The following PIK3C2G variants were observed in gnomAD, a reference collection of about 807,000 sequenced individuals.
PIK3C2G encodes phosphatidylinositol 3-kinase C2 domain-containing subunit gamma.
In PIK3C2G, 168 loss-of-function variants were observed where a neutral mutation model predicts 181.1. The observed-to-expected ratio is 0.93, with a 90% CI of 0.82 to 1.05. The LOEUF (loss-of-function observed/expected upper bound fraction) is 1.05. PIK3C2G is among the 50% of genes least tolerant of loss of function. PIK3C2G has a pLI of 0.00. For synonymous variants in PIK3C2G, 573 were observed against 592.2 expected, an observed-to-expected ratio of 0.97 and a Z score of 0.47; for missense variants, 1,869 against 1,732.8, an observed-to-expected ratio of 1.08 and a Z score of -1.40.
chr12:18,365,894 A>C (rs963565229), intron 12 of PIK3C2G, among the ~76,000 whole-genome samples: 1 of 152,112 alleles, frequency 6.6e-6, no homozygotes, highest in Non-Finnish European at 1.5e-5. Context: ...TTCAGATCAA[A>C]ATCCTTAGCC....
chr12:18,704,025 G>T, the PIK3C2G span, among the ~76,000 whole-genome samples: 1 of 152,184 alleles, frequency 6.6e-6, no homozygotes, highest in Non-Finnish European at 1.5e-5. Context: ...TTGGGATAGG[G>T]AGAAAGGCCC....
chr12:18,503,180 G>C (rs1048033633), intron 22 of PIK3C2G, 101 bp from the exon 23 acceptor site: 3 of 748,720 alleles, frequency 4.0e-6, no homozygotes. Context: ...AAAGGAAAGG[G>C]GTAATCCAGT....
intron 25 of PIK3C2G, among the ~76,000 whole-genome samples, chr12:18,545,484 A>C (rs544505899): frequency 2.6e-4 from 39 of 151,780 alleles, no homozygotes; most frequent in African/African-American, 9.4e-4. Flanking sequence ...CATCTTAGTC[A>C]TAGAAGTGCT....
chr12:18,571,160 T>A (rs1414359159), intron 29 of PIK3C2G, among the ~76,000 whole-genome samples: 1 of 151,014 alleles, frequency 6.6e-6, no homozygotes, highest in Non-Finnish European at 1.5e-5. Context: ...TGATTTCTCT[T>A]GTGGCCATGG....
At chr12:18,525,952 A>T (rs560852918) in intron 24 of PIK3C2G, among the ~76,000 whole-genome samples, 2 of 152,208 alleles carry the variant, frequency 1.3e-5, no homozygotes, top group Admixed American at 1.3e-4. Context: ...TAGACAACAA[A>T]TTACCTACTA....
chr12:18,414,032 C>T (rs150406039), intron 16 of PIK3C2G, among the ~76,000 whole-genome samples: 4 of 152,136 alleles, frequency 2.6e-5, no homozygotes, highest in African/African-American at 7.2e-5. Context: ...ATTTGTCCAT[C>T]GATCTATACC....
rs192252314 is a variant in PIK3C2G at position 18,506,256 on chromosome 12, A to G, written c.3323+795A>G. 4.6e-3 allele frequency among the ~76,000 whole-genome samples: 701 copies of G among 152,156 alleles called. 3 individuals carry two copies. Among genetic ancestry groups the G allele is most frequent in the African/African-American group, 0.016 (662 of 41,558 alleles). On this transcript the variant is annotated intron_variant, in intron 24 of 32. Transcript: ENST00000538779. ...AGAAGACCTGGAGTCTGGAGATGGG[A>G]TGGAGAGGGGCGGGCAGTAGGAGGT...
At chr12:18,540,986 A>G (rs944428883) in intron 25 of PIK3C2G, among the ~76,000 whole-genome samples, 1 of 151,958 alleles carries the variant, frequency 6.6e-6, no homozygotes, top group Non-Finnish European at 1.5e-5. Context: ...TTTCTTTGGT[A>G]TAGCTTCTTA....
At chr12:18,348,541 G>A (rs1939906555) in intron 11 of PIK3C2G, among the ~76,000 whole-genome samples, 1 of 152,038 alleles carries the variant, frequency 6.6e-6, no homozygotes, top group South Asian at 2.1e-4. Flanking sequence ...CTTTGATGAA[G>A]GAAACAAAAT....
the PIK3C2G span, among the ~76,000 whole-genome samples, chr12:18,680,998 T>C: frequency 6.6e-6 from 1 of 152,064 alleles, no homozygotes; most frequent in Non-Finnish European, 1.5e-5. Flanking sequence ...TGTAGCATTG[T>C]TGCGTTTGGA....
chr12:18,561,465 T>G (rs1945340694), intron 26 of PIK3C2G, among the ~76,000 whole-genome samples: 1 of 151,972 alleles, frequency 6.6e-6, no homozygotes, highest in Non-Finnish European at 1.5e-5. Flanking sequence ...GGTGACAGAG[T>G]AAGACCCTAT....
chr12:18,705,036 A>C, the PIK3C2G span: 2 of 1,144,164 alleles, frequency 1.7e-6, no homozygotes, highest in Non-Finnish European at 2.6e-6. Flanking sequence ...CATTGCAAAA[A>C]TAAACCTCTA....
intron 3 of PIK3C2G, among the ~76,000 whole-genome samples, chr12:18,290,222 G>A (rs1949631602): frequency 1.3e-5 from 2 of 152,112 alleles, no homozygotes; most frequent in Non-Finnish European, 2.9e-5. Context: ...AAAGTGCCAG[G>A]ATTCAAAGTC....
rs373966562 is a variant in PIK3C2G at position 18,571,440 on chromosome 12, G to T, written c.4011+4383G>T. Among the ~76,000 whole-genome samples, 27 of 150,716 alleles carry T rather than the reference G, an allele frequency of 1.8e-4. No homozygotes were observed. The East Asian group carries it at 5.0e-3, about 28-fold the overall frequency. On this transcript the variant is annotated intron_variant, in intron 29 of 32. Transcript: ENST00000538779. ...TTTTTGTTTGTTTGTACCAGTAGAG[G>T]TTTATAGAAATATTCCACTATATTT...
rs548396664 is a variant in PIK3C2G at position 18,534,074 on chromosome 12, C to T, written c.3324-4082C>T. Among the ~76,000 whole-genome samples, 24 of 150,854 alleles carry T rather than the reference C, an allele frequency of 1.6e-4. No homozygotes were observed. The East Asian group carries it at 4.4e-3, about 28-fold the overall frequency. On this transcript the variant is annotated intron_variant, in intron 24 of 32. Transcript: ENST00000538779. ...AAACAATTCTTGTGCCTCAGCCTCCCGAGTAGCTGGGATTACAGGTGTGTG... is the reference window on the plus strand; with the variant it reads ...AAACAATTCTTGTGCCTCAGCCTCCTGAGTAGCTGGGATTACAGGTGTGTG...
chr12:18,274,512 A>T (rs1948891388), intron 1 of PIK3C2G, among the ~76,000 whole-genome samples: 1 of 152,338 alleles, frequency 6.6e-6, no homozygotes, highest in East Asian at 1.9e-4. Flanking sequence ...AGGGACATGG[A>T]TGAAGCTGGA....
At chr12:18,532,363 G>A (rs1404373350) in intron 24 of PIK3C2G, among the ~76,000 whole-genome samples, 1 of 152,052 alleles carries the variant, frequency 6.6e-6, no homozygotes, top group Non-Finnish European at 1.5e-5. Flanking sequence ...TTTTTCACAA[G>A]ACAGACATGT....
chr12:18,682,727 C>A, the PIK3C2G span, among the ~76,000 whole-genome samples: 1 of 151,830 alleles, frequency 6.6e-6, no homozygotes, highest in South Asian at 2.1e-4. Context: ...TACAGGGTAC[C>A]AACTCCAGTG....
the PIK3C2G span, among the ~76,000 whole-genome samples, chr12:18,699,124 A>G: frequency 6.6e-6 from 1 of 152,168 alleles, no homozygotes; most frequent in African/African-American, 2.4e-5. Flanking sequence ...CAGTGAAAGG[A>G]AGATGCAGAG....
Sources: gnomAD v4.1 joint callset for allele counts (sites outside exome capture counted in the v4.1 genomes callset) on GRCh38, gnomAD v4.1.1 for gene constraint, MANE v1.5 for transcripts, NCBI Gene and HGNC (gene_info 2026-07-23, HGNC 2026-07-21) for gene names.